ANPEP: variants seen among roughly 807,000 people sequenced by gnomAD.
The protein encoded by ANPEP is alanyl aminopeptidase, membrane.
ANPEP carries 70 observed loss-of-function variants against 114.6 expected under a neutral mutation model. The ratio of observed to expected loss-of-function variants is 0.61; its 90% CI spans 0.50 to 0.75. The LOEUF is 0.75. Ranked by LOEUF, ANPEP falls within the 30% of genes least tolerant of loss-of-function variation. The pLI, the probability that ANPEP is intolerant of heterozygous loss-of-function variation, is 0.00. For synonymous variants in ANPEP, 548 were observed against 522.3 expected, an observed-to-expected ratio of 1.05 and a Z score of -0.67; for missense variants, 1,184 against 1,259.5, an observed-to-expected ratio of 0.94 and a Z score of 0.91.
rs762188763 is a variant in ANPEP, at chr15:89,805,996, G to T, written c.588C>A (p.Ser196Arg). The change falls in exon 2 of 21, where the codon AGC becomes AGA. Residue 196 changes from serine to arginine, a missense_variant. By Grantham distance (110) the Ser-to-Arg change is moderately radical. Coordinates refer to ENST00000300060, the MANE Select transcript of ANPEP (RefSeq NM_001150.3). ...TTCTGACATTGCCCTCCATGTACTC[G>T]CTGCGGTAGAAGCCCGCCAGGTCAT... Reference protein sequence around the residue: ...LADDLAGFYRSEYMEGNVRKV... With the variant: ...LADDLAGFYRREYMEGNVRKV... 6.9e-6 allele frequency: 11 copies of T among 1,600,284 alleles called. 1 individual carries two copies. In the South Asian group the frequency reaches 1.2e-4, roughly 18 times the overall value.
Position 89,797,738 on chromosome 15 carries a change from G to A in ANPEP, c.2010-16C>T, listed in dbSNP as rs1295083555. 1 of 1,613,788 alleles carries A rather than the reference G, an allele frequency of 6.2e-7. No individual in the cohort carries two copies. Among genetic ancestry groups the A allele is most frequent in the Non-Finnish European group, 8.5e-7 (1 of 1,179,916 alleles). The stretch of plus-strand genomic sequence containing the variant: ...CTTATGGGCACTGGGAATAAACAGA[G>A]GGGCCCAAGTAAAGCACCTCCACCC... On this transcript the variant is annotated splice_polypyrimidine_tract_variant and intron_variant, in intron 14 of 20. Transcript: ENST00000300060.
chr15:89,801,579 G>A lies in ANPEP; in HGVS notation c.1598C>T (p.Pro533Leu). ...EAVNNRSIQL[P>L]TTVRDIMNRW... is the part of the protein sequence containing the mutation. Reference sequence around the variant, plus strand: ...GTTCATGATGTCCCGCACGGTGGTGGGGAGTTGGATGGACCGGTTGTTCAC... The same window carrying A: ...GTTCATGATGTCCCGCACGGTGGTGAGGAGTTGGATGGACCGGTTGTTCAC... Residue 533 changes from proline (P) to leucine (L), a missense_variant, in exon 11 of 21, where the codon CCC becomes CTC. By Grantham distance (98) the Pro-to-Leu change is moderately conservative. Coordinates refer to ENST00000300060, the MANE Select transcript of ANPEP (RefSeq NM_001150.3). The A allele has an allele frequency of 6.2e-7, 1 of 1,614,052 alleles. No individual in the cohort carries two copies. Among genetic ancestry groups the A allele is most frequent in the Non-Finnish European group, 8.5e-7 (1 of 1,179,938 alleles).
Position 89,801,328 on chromosome 15 carries a change from A to G in ANPEP, c.1742+107T>C. 5 of 1,548,264 alleles carry G rather than the reference A, an allele frequency of 3.2e-6. No homozygotes were observed. The South Asian group carries it at 5.9e-5, about 18-fold the overall frequency. ...CTGGCTCTGGAGGGAGGGTCTGTCT[A>G]CAGTGGCTGGGGCTGGGACCACAGG... On this transcript the variant is annotated intron_variant, in intron 11 of 20. Coordinates refer to ENST00000300060, the MANE Select transcript of ANPEP (RefSeq NM_001150.3).
In ANPEP at chr15:89,806,550, C is replaced by G. The variant is rs1296030609; in HGVS notation, c.34G>C (p.Gly12Arg). Residue 12 changes from glycine to arginine, a missense_variant, in exon 2 of 21, where the codon GGC becomes CGC. By Grantham distance (125) the Gly-to-Arg change is moderately radical. Coordinates refer to ENST00000300060, the MANE Select transcript of ANPEP (RefSeq NM_001150.3). The surrounding 1 kb of genome is among the most constrained non-coding windows in gnomAD (Gnocchi z 5.7). Reference protein sequence around the residue: ...AKGFYISKSLGILGILLGVAA... With the variant: ...AKGFYISKSLRILGILLGVAA... ...ACGCCCAGGAGGATCCCCAGGATGC[C>G]CAGGGACTTGGAAATATAGAAGCCC... The G allele has an allele frequency of 6.2e-7, 1 of 1,610,884 alleles. No individual in the cohort carries two copies. Among genetic ancestry groups the G allele is most frequent in the East Asian group, 2.2e-5 (1 of 44,798 alleles).
intron 15 of ANPEP, among the ~76,000 whole-genome samples, chr15:89,795,969 C>A (rs1596163757): frequency 6.6e-6 from 1 of 152,308 alleles, no homozygotes; most frequent in East Asian, 1.9e-4. Flanking sequence ...AATCATAACA[C>A]TTTGGGAGGC....
In ANPEP at chr15:89,792,795, C is replaced by A. The variant is rs16943599; in HGVS notation, c.2250-233G>T. On this transcript the variant is annotated intron_variant, in intron 16 of 20. Coordinates refer to ENST00000300060, the MANE Select transcript of ANPEP (RefSeq NM_001150.3). ...CAGCCCCAGTTTCAACACCTAGAAACTGTATAACCTCAAGCCAGTGGGGTG... is the reference window on the plus strand; with the variant it reads ...CAGCCCCAGTTTCAACACCTAGAAAATGTATAACCTCAAGCCAGTGGGGTG... Among the ~76,000 whole-genome samples, 51,176 of 152,040 alleles carry A rather than the reference C, an allele frequency of 0.34. 9,101 individuals carry two copies. The highest frequency in any genetic ancestry group is 0.44 in the African/African-American group (18,394 of 41,460).
chr15:89,806,644 G>T lies in ANPEP; in HGVS notation c.-61C>A. On this transcript the variant is annotated 5_prime_UTR_variant, in exon 2 of 21. In the 5' UTR this introduces an upstream ATG that the reference lacks. Coordinates refer to ENST00000300060, the MANE Select transcript of ANPEP (RefSeq NM_001150.3). The surrounding 1 kb of genome is among the most constrained non-coding windows in gnomAD (Gnocchi z 5.7). ...CCAGGCAGAGAACGGAGCAGCCCCA[G>T]GCCGGGCTTATATCCCCAAAGGGGA... is the stretch of plus-strand genomic sequence containing the variant. 2.7e-6 allele frequency: 4 copies of T among 1,479,582 alleles called. No individual in the cohort carries two copies. In the South Asian group the frequency reaches 4.1e-5, roughly 15 times the overall value. The allele number at this position is 1,479,582 out of a possible 1,614,324, so 91.7% of individuals were successfully genotyped here.
chr15:89,801,703 G>T, intron 10 of ANPEP, 96 bp from the exon 11 acceptor site: 3 of 1,434,892 alleles, frequency 2.1e-6, no homozygotes, highest in Non-Finnish European at 9.5e-7. Context: ...ACCCCGGGGG[G>T]CCACTTGTAT....
chr15:89,797,722 A>G lies in ANPEP; in HGVS notation c.2010T>C (p.Ser670=). ...CCAGAGTGACAGGGACCTTATGGGCACTGGGAATAAACAGAGGGGCCCAAG... is the reference window on the plus strand; with the variant it reads ...CCAGAGTGACAGGGACCTTATGGGCGCTGGGAATAAACAGAGGGGCCCAAG... ...QIINDAFNLA[S]AHKVPVTLAL... is the part of the protein sequence containing the mutation. The change falls in exon 15 of 21, where the codon AGT becomes AGC. Residue 670 remains serine (S), a splice_region_variant and synonymous_variant. Transcript: ENST00000300060. 1 of 1,614,040 alleles carries G rather than the reference A, an allele frequency of 6.2e-7. No individual in the cohort carries two copies. The highest frequency in any genetic ancestry group is 8.5e-7 in the Non-Finnish European group (1 of 1,179,994).
chr15:89,788,401 T>G (rs1415851569), intron 20 of ANPEP, among the ~76,000 whole-genome samples: 3 of 152,228 alleles, frequency 2.0e-5, no homozygotes, highest in Non-Finnish European at 4.4e-5. Context: ...TTCCATTTTA[T>G]GAAACATCCA....
In ANPEP at chr15:89,805,464, CT is replaced by C. The variant is rs750660166; in HGVS notation, c.615-2del. 3 of 1,613,990 alleles carry C rather than the reference CT, an allele frequency of 1.9e-6. No individual in the cohort carries two copies. The South Asian group carries it at 3.3e-5, about 18-fold the overall frequency. ...CTGCATCTGTGTAGTGGCCACCACC[CT>C]GCCCCAACAGGAAGGTTAGAGGGTG... On this transcript the variant is annotated splice_acceptor_variant, in intron 2 of 20. Coordinates refer to ENST00000300060, the MANE Select transcript of ANPEP (RefSeq NM_001150.3). LOFTEE classifies it high-confidence loss of function.
At chr15:89,791,907 C>T (rs902953716) in intron 18 of ANPEP, among the ~76,000 whole-genome samples, 10 of 152,102 alleles carry the variant, frequency 6.6e-5, no homozygotes, top group East Asian at 1.9e-4. Context: ...GAAGGGAAGA[C>T]GAGTTGTTGT....
intron 18 of ANPEP, among the ~76,000 whole-genome samples, chr15:89,791,623 TA>T (rs1968629487): frequency 3.3e-5 from 5 of 149,666 alleles, no homozygotes; most frequent in African/African-American, 7.4e-5. Flanking sequence ...TTTGTATTTT[TA>T]GTATTTTTAG....
intron 15 of ANPEP, among the ~76,000 whole-genome samples, chr15:89,793,856 C>G (rs913200309): frequency 6.6e-6 from 1 of 151,886 alleles, no homozygotes; most frequent in Non-Finnish European, 1.5e-5. Context: ...ATAGTTTTTT[C>G]TTTTTTACTT....
chr15:89,806,729 A>G lies in ANPEP; in HGVS notation c.-146T>C, dbSNP rs41276924. The stretch of plus-strand genomic sequence containing the variant: ...ACCAGGGCTCCAACAGGCGAAGGTC[A>G]CTGGACTGGGCAGGGGCACGCTCCG... On this transcript the variant is annotated 5_prime_UTR_variant, in exon 2 of 21. Coordinates refer to ENST00000300060, the MANE Select transcript of ANPEP (RefSeq NM_001150.3). The surrounding 1 kb of genome is among the most constrained non-coding windows in gnomAD (Gnocchi z 5.7). 0.11 allele frequency: 145,400 copies of G among 1,321,772 alleles called. 8,628 individuals carry two copies. Among genetic ancestry groups the G allele is most frequent in the Non-Finnish European group, 0.12 (118,017 of 996,014 alleles). The allele number at this position is 1,321,772 out of a possible 1,614,324, so 81.9% of individuals were successfully genotyped here. A position where few individuals can be genotyped will look rare whatever the true frequency, so the allele number is the denominator to read the frequency against.
intron 15 of ANPEP, among the ~76,000 whole-genome samples, chr15:89,796,496 CT>C (rs1294354069): frequency 4.2e-5 from 6 of 142,932 alleles, no homozygotes; most frequent in South Asian, 4.4e-4. Context: ...TTTTTTTTTT[CT>C]TTTTTTTTGA....
At chr15:89,802,072 T>C (rs1172171669) in intron 10 of ANPEP, among the ~76,000 whole-genome samples, 1 of 152,176 alleles carries the variant, frequency 6.6e-6, no homozygotes, top group Non-Finnish European at 1.5e-5. Context: ...TGTCTTCTTG[T>C]CTTCTTGGAT....
chr15:89,793,892 C>T (rs1484060002), intron 15 of ANPEP, among the ~76,000 whole-genome samples: 1 of 151,986 alleles, frequency 6.6e-6, no homozygotes, highest in Non-Finnish European at 1.5e-5. Flanking sequence ...TGGCATTTTT[C>T]TCCTAACATT....
intron 4 of ANPEP, chr15:89,804,840 A>T: frequency 1.2e-6 from 1 of 813,464 alleles, no homozygotes; most frequent in South Asian, 1.8e-5. Flanking sequence ...CATCATAGCC[A>T]CCGTCTGTCT....
Sources: gnomAD v4.1 joint callset for allele counts (sites outside exome capture counted in the v4.1 genomes callset) on GRCh38, gnomAD v4.1.1 for gene constraint, Gnocchi (gnomAD v3.1) non-coding constraint, MANE v1.5 for transcripts, NCBI Gene and HGNC (gene_info 2026-07-23, HGNC 2026-07-21) for gene names.